ZSWIM8: variants seen among roughly 807,000 people sequenced by gnomAD.
ZSWIM8 encodes zinc finger SWIM-type containing 8, also known as zinc finger SWIM domain-containing protein 8.
ZSWIM8 carries 27 observed loss-of-function variants against 173.7 expected under a neutral mutation model. That is an observed-to-expected ratio of 0.16 (90% CI 0.11 to 0.21). The LOEUF (loss-of-function observed/expected upper bound fraction) is 0.21, where lower values mean the gene tolerates loss of function less well. ZSWIM8 is among the 10% of genes least tolerant of loss of function. ZSWIM8 has a pLI of 1.00. For missense variants in ZSWIM8, 1,627 were observed against 2,428.8 expected (o/e 0.67, Z 6.94); for synonymous variants, 958 against 962.0 (o/e 1.00, Z 0.08).
In ZSWIM8 at chr10:73,794,788, C is replaced by A. The variant is rs2083553342; in HGVS notation, c.2908+149C>A. 3 of 646,592 alleles carry A rather than the reference C, an allele frequency of 4.6e-6. No individual in the cohort carries two copies. The South Asian group carries it at 5.7e-5, about 12-fold the overall frequency. The allele number at this position is 646,592 out of a possible 1,614,324, so 40.1% of individuals were successfully genotyped here. ...GTGCCTGTAAGACAGGAATTCAGGG[C>A]AAAAATGTGTGCTATATGGCTGGGC... On this transcript the variant is annotated intron_variant, in intron 14 of 25. Transcript: ENST00000604729.
rs1344137601 is a variant in ZSWIM8 at position 73,791,957 on chromosome 10, C to T, written c.1418C>T (p.Pro473Leu). The T allele has an allele frequency of 1.9e-6, 3 of 1,551,256 alleles. No individual in the cohort carries two copies. In the South Asian group the frequency reaches 3.6e-5, roughly 18 times the overall value. The part of the protein sequence containing the change: ...QHKKTLERLF[P>L]GFRPAVEACY... ...AAGAAGACGCTGGAGCGGCTCTTCC[C>T]CGGCTTCCGGCCAGCGGTGGAGGCC... The change falls in exon 10 of 26, where the codon CCC becomes CTC. Residue 473 changes from proline (P) to leucine (L), a missense_variant. Physicochemically the swap from Pro to Leu is moderately conservative, Grantham distance 98 (BLOSUM62 -3). This residue lies in a region of ZSWIM8 where 103 missense variants were observed against 155.6 expected (regional missense o/e 0.66). Coordinates refer to ENST00000604729, the MANE Select transcript of ZSWIM8 (RefSeq NM_001367799.1). The surrounding 1 kb of genome is among the most constrained non-coding windows in gnomAD (Gnocchi z 6.0).
chr10:73,792,248 G>T lies in ZSWIM8; in HGVS notation c.1709G>T (p.Gly570Val). The T allele has an allele frequency of 6.4e-7, 1 of 1,574,656 alleles. No individual in the cohort carries two copies. Among genetic ancestry groups the T allele is most frequent in the Non-Finnish European group, 8.6e-7 (1 of 1,158,948 alleles). Residue 570 changes from glycine to valine, a missense_variant, in exon 10 of 26, where the codon GGG becomes GTG. Physicochemically the swap from Gly to Val is moderately radical, Grantham distance 109. Transcript: ENST00000604729. The surrounding 1 kb of genome is among the most constrained non-coding windows in gnomAD (Gnocchi z 4.3). ...GGTCCCCGCCGCCTCTCAGCTGAAG[G>T]GGGAGATAAAGCTCTACATAAGATG... ...QRGPRRLSAE[G>V]GDKALHKMGP...
In ZSWIM8 at chr10:73,789,662, C is replaced by G; in HGVS notation, c.631-55C>G. The G allele has an allele frequency of 6.4e-7, 1 of 1,555,078 alleles. No individual in the cohort carries two copies. The highest frequency in any genetic ancestry group is 8.7e-7 in the Non-Finnish European group (1 of 1,146,380). ...ACTCTGCCTCTCTGTCCCCCAGCTC[C>G]AGCTCCAGCAAACCTGTTCTCAGAT... On this transcript the variant is annotated intron_variant, in intron 4 of 25. Coordinates refer to ENST00000604729, the MANE Select transcript of ZSWIM8 (RefSeq NM_001367799.1). The surrounding 1 kb of genome is among the most constrained non-coding windows in gnomAD (Gnocchi z 6.8).
chr10:73,787,267 C>T (rs1214860672), intron 1 of ZSWIM8, among the ~76,000 whole-genome samples: 2 of 152,076 alleles, frequency 1.3e-5, no homozygotes, highest in African/African-American at 4.8e-5. Context: ...TTAGGAGTGG[C>T]GGACTGGTGG....
At position 73,789,666 on chromosome 10, in the gene ZSWIM8, T is replaced by TCCAGCA. The variant is rs1178748928; in HGVS notation, c.631-50_631-45dup. On this transcript the variant is annotated intron_variant, in intron 4 of 25. Transcript: ENST00000604729. The surrounding 1 kb of genome is among the most constrained non-coding windows in gnomAD (Gnocchi z 6.8). Reference sequence around the variant, plus strand: ...TGCCTCTCTGTCCCCCAGCTCCAGCTCCAGCAAACCTGTTCTCAGATTGTT... The same window carrying TCCAGCA: ...TGCCTCTCTGTCCCCCAGCTCCAGCTCCAGCACCAGCAAACCTGTTCTCAGATTGTT... 1 of 1,557,088 alleles carries TCCAGCA rather than the reference T, an allele frequency of 6.4e-7. No individual in the cohort carries two copies. The highest frequency in any genetic ancestry group is 8.7e-7 in the Non-Finnish European group (1 of 1,148,014).
rs554928595 is a variant in ZSWIM8, at chr10:73,785,846, G to T, written c.-33G>T. On this transcript the variant is annotated 5_prime_UTR_variant, in exon 1 of 26. Transcript: ENST00000604729. ...CGGCGGCCCAGGCCCCGGATCCGCG[G>T]GGGGGGACCCGGCCCCGGGGGGTGC... is the stretch of plus-strand genomic sequence containing the variant. The T allele has an allele frequency of 2.9e-5, 43 of 1,474,846 alleles. No individual in the cohort carries two copies. The highest frequency in any genetic ancestry group is 3.6e-5 in the Non-Finnish European group (40 of 1,109,882). The allele number at this position is 1,474,846 out of a possible 1,614,324, so 91.4% of individuals were successfully genotyped here. A position where few individuals can be genotyped will look rare whatever the true frequency, so the allele number is the denominator to read the frequency against.
intron 2 of ZSWIM8, 95 bp downstream of exon 2, chr10:73,788,918 G>A: frequency 6.5e-7 from 1 of 1,535,476 alleles, no homozygotes; most frequent in Non-Finnish European, 8.8e-7. Flanking sequence ...TGTATTTGGG[G>A]CAGTGGTAAG....
At position 73,799,414 on chromosome 10, in the gene ZSWIM8, C is replaced by T; in HGVS notation, c.4589C>T (p.Pro1530Leu). The change falls in exon 21 of 26, where the codon CCA becomes CTA. Residue 1530 changes from proline to leucine, a missense_variant. Coordinates refer to ENST00000604729, the MANE Select transcript of ZSWIM8 (RefSeq NM_001367799.1). Reference sequence around the variant, plus strand: ...TGTAGCCCTCAGTATCTCACTCACCCAGCTCACCCTGCCCACCCCATGCCT... The same window carrying T: ...TGTAGCCCTCAGTATCTCACTCACCTAGCTCACCCTGCCCACCCCATGCCT... The part of the protein sequence containing the change: ...LPCSPQYLTH[P>L]AHPAHPMPHM... 1 of 1,610,604 alleles carries T rather than the reference C, an allele frequency of 6.2e-7. No homozygotes were observed. The highest frequency in any genetic ancestry group is 8.5e-7 in the Non-Finnish European group (1 of 1,178,578).
rs1308706212 is a variant in ZSWIM8 at position 73,790,978 on chromosome 10, T to C, written c.945T>C (p.Asp315=). ...FCGPSPVVFS[D]VNSMYLSSTE... Reference sequence around the variant, plus strand: ...TTCTGTTCCTCTGCTTTTACAGTGATGTGAACTCCATGTATCTGTCTTCCA... The same window carrying C: ...TTCTGTTCCTCTGCTTTTACAGTGACGTGAACTCCATGTATCTGTCTTCCA... Residue 315 remains aspartate, a synonymous_variant, in exon 8 of 26, where the codon GAT becomes GAC. Coordinates refer to ENST00000604729, the MANE Select transcript of ZSWIM8 (RefSeq NM_001367799.1). 3 of 1,608,276 alleles carry C rather than the reference T, an allele frequency of 1.9e-6. No individual in the cohort carries two copies. Among genetic ancestry groups the C allele is most frequent in the African/African-American group, 1.3e-5 (1 of 74,924 alleles).
In ZSWIM8 at chr10:73,800,144, G is replaced by A; in HGVS notation, c.4799G>A (p.Gly1600Glu). The change falls in exon 22 of 26, where the codon GGG becomes GAG. Residue 1600 changes from glycine (G) to glutamate (E), a missense_variant. This residue lies in a region of ZSWIM8 where 275 missense variants were observed against 290.1 expected (regional missense o/e 0.95). Transcript: ENST00000604729. The surrounding 1 kb of genome is among the most constrained non-coding windows in gnomAD (Gnocchi z 4.1). ...ITVHPYHTEP[G>E]LPLPTSVALS... ...GTACATCCCTACCACACAGAGCCAG[G>A]GCTTCCACTGCCCACCAGTGTGGCC... The A allele has an allele frequency of 6.2e-7, 1 of 1,613,728 alleles. No individual in the cohort carries two copies. Among genetic ancestry groups the A allele is most frequent in the South Asian group, 1.1e-5 (1 of 91,084 alleles).
In ZSWIM8 at chr10:73,793,861, C is replaced by A. The variant is rs377295666; in HGVS notation, c.2446-4C>A. ...CCTGTCTCCTGTGTTTCTTCCCTTT[C>A]TAGGGCAAGAAGAACAAGGTATCCA... On this transcript the variant is annotated splice_polypyrimidine_tract_variant and splice_region_variant and intron_variant, in intron 11 of 25. Coordinates refer to ENST00000604729, the MANE Select transcript of ZSWIM8 (RefSeq NM_001367799.1). 5 of 1,602,176 alleles carry A rather than the reference C, an allele frequency of 3.1e-6. No individual in the cohort carries two copies. In the African/African-American group the frequency reaches 5.4e-5, roughly 17 times the overall value.
rs1419050355 is a variant in ZSWIM8 at position 73,800,653 on chromosome 10, G to A, written c.5016G>A (p.Leu1672=). Residue 1672 remains leucine (L), a synonymous_variant, in exon 24 of 26, where the codon CTG becomes CTA. Coordinates refer to ENST00000604729, the MANE Select transcript of ZSWIM8 (RefSeq NM_001367799.1). This position sits in a 1 kb window ranked among gnomAD's most constrained non-coding sequence, Gnocchi z 4.1. ...TCTATCTCCCAGGAATGCTGGCACT[G>A]GAGATGCTGGGTCGCCGGGCACACA... ...HAAYRVGMLA[L]EMLGRRAHND... The A allele has an allele frequency of 3.1e-6, 5 of 1,613,768 alleles. No individual in the cohort carries two copies. Among genetic ancestry groups the A allele is most frequent in the Admixed American group, 1.7e-5 (1 of 59,996 alleles).
Position 73,800,305 on chromosome 10 carries a change from T to G in ZSWIM8, c.4835T>G (p.Val1612Gly), listed in dbSNP as rs1382945794. ...PLPTSVALSS[V>G]HPASTFPAIQ... ...CTCTCACCCCACTTAGTGAGCAGTGTCCATCCAGCATCCACGTTTCCAGCC... is the reference window on the plus strand; with the variant it reads ...CTCTCACCCCACTTAGTGAGCAGTGGCCATCCAGCATCCACGTTTCCAGCC... The change falls in exon 23 of 26, where the codon GTC becomes GGC. Residue 1612 changes from valine to glycine, a missense_variant. Physicochemically the swap from Val to Gly is moderately radical, Grantham distance 109. Around this residue, in one of 18 missense-constraint regions of ZSWIM8, gnomAD observed 275 missense variants for 290.1 expected, o/e 0.95. Coordinates refer to ENST00000604729, the MANE Select transcript of ZSWIM8 (RefSeq NM_001367799.1). The surrounding 1 kb of genome is among the most constrained non-coding windows in gnomAD (Gnocchi z 4.1). The G allele has an allele frequency of 6.2e-7, 1 of 1,613,842 alleles. No homozygotes were observed. The highest frequency in any genetic ancestry group is 1.1e-5 in the South Asian group (1 of 91,078).
Position 73,789,068 on chromosome 10 carries a change from G to A in ZSWIM8, c.363-28G>A, listed in dbSNP as rs750174613. 1.2e-6 allele frequency: 2 copies of A among 1,610,532 alleles called. No homozygotes were observed. The highest frequency in any genetic ancestry group is 2.7e-5 in the African/African-American group (2 of 74,482). On this transcript the variant is annotated intron_variant, in intron 2 of 25. Coordinates refer to ENST00000604729, the MANE Select transcript of ZSWIM8 (RefSeq NM_001367799.1). The surrounding 1 kb of genome is among the most constrained non-coding windows in gnomAD (Gnocchi z 6.8). The stretch of plus-strand genomic sequence containing the variant: ...TCTGCCAAAGGTTATTTGCTGAGTT[G>A]TGGCTGTGTCCTCTTCTTCACCCCC...
chr10:73,794,761 T>A (rs766145864), intron 14 of ZSWIM8, 122 bp downstream of exon 14: 13 of 859,240 alleles, frequency 1.5e-5, no homozygotes, highest in Non-Finnish European at 2.1e-5. Context: ...GTGAGCCAAC[T>A]AGTGCCTGTA....
chr10:73,785,864 G>T lies in ZSWIM8; in HGVS notation c.-15G>T. 1 of 1,491,206 alleles carries T rather than the reference G, an allele frequency of 6.7e-7. No homozygotes were observed. Among genetic ancestry groups the T allele is most frequent in the Non-Finnish European group, 8.9e-7 (1 of 1,118,036 alleles). 92.4% of individuals were successfully genotyped at this position (1,491,206 alleles called of 1,614,324 possible). On this transcript the variant is annotated 5_prime_UTR_variant, in exon 1 of 26. Coordinates refer to ENST00000604729, the MANE Select transcript of ZSWIM8 (RefSeq NM_001367799.1). ...ATCCGCGGGGGGGGACCCGGCCCCG[G>T]GGGGTGCGGGCCCCATGGAGCTGAT...
Position 73,800,229 on chromosome 10 carries a change from T to TG in ZSWIM8, c.4825+63dup, listed in dbSNP as rs1433756861. ...GGGGAGGCACACTGGGCAGGGGAGGTGGGGAGGGAATGTTCTTTGTCTCTC... is the reference window on the plus strand; with the variant it reads ...GGGGAGGCACACTGGGCAGGGGAGGTGGGGGAGGGAATGTTCTTTGTCTCTC... On this transcript the variant is annotated intron_variant, in intron 22 of 25. Coordinates refer to ENST00000604729, the MANE Select transcript of ZSWIM8 (RefSeq NM_001367799.1). This position sits in a 1 kb window ranked among gnomAD's most constrained non-coding sequence, Gnocchi z 4.1. 2 of 1,609,232 alleles carry TG rather than the reference T, an allele frequency of 1.2e-6. No individual in the cohort carries two copies. Among genetic ancestry groups the TG allele is most frequent in the African/African-American group, 1.3e-5 (1 of 74,176 alleles).
At chr10:73,790,107 G>A in intron 6 of ZSWIM8, 65 bp from the exon 7 acceptor site, 1 of 1,611,080 alleles carries the variant, frequency 6.2e-7, no homozygotes, top group East Asian at 2.2e-5. Flanking sequence ...ATTTACTCAA[G>A]GCTTGCTGTT....
chr10:73,797,089 C>T lies in ZSWIM8; in HGVS notation c.3275-24C>T, dbSNP rs755724282. ...GAGGTCCCCTTTCCTGGGCTCATCC[C>T]AGCGTCCTGTTTTCCTCACCTAGAG... On this transcript the variant is annotated intron_variant, in intron 16 of 25. Coordinates refer to ENST00000604729, the MANE Select transcript of ZSWIM8 (RefSeq NM_001367799.1). This position sits in a 1 kb window ranked among gnomAD's most constrained non-coding sequence, Gnocchi z 5.6. The T allele has an allele frequency of 2.5e-6, 4 of 1,613,266 alleles. No homozygotes were observed. Among genetic ancestry groups the T allele is most frequent in the Non-Finnish European group, 3.4e-6 (4 of 1,179,518 alleles).
Sources: allele counts gnomAD v4.1 joint callset (sites outside exome capture counted in the v4.1 genomes callset), GRCh38; gene constraint gnomAD v4.1.1; regional missense constraint gnomAD v4.1.1; non-coding constraint Gnocchi (gnomAD v3.1); transcripts MANE v1.5; gene names NCBI Gene and HGNC (gene_info 2026-07-23, HGNC 2026-07-21).